The following CDK11A variants were observed in gnomAD, a reference collection of about 807,000 sequenced individuals.
CDK11A encodes the protein cyclin-dependent kinase 11A.
Under a neutral mutation model 83.6 loss-of-function variants are expected in CDK11A, and 55 were observed. The observed-to-expected ratio is 0.66, with a 90% CI of 0.53 to 0.82. CDK11A has a LOEUF of 0.82. CDK11A is among the 40% of genes least tolerant of loss of function. The pLI is 0.00. For missense variants in CDK11A, 564 were observed against 810.1 expected (o/e 0.70, Z 3.69); for synonymous variants, 247 against 302.7 (o/e 0.82, Z 1.91).
rs369739823 is a variant in CDK11A, at chr1:1,715,547, G to C, written c.488+799C>G. Reference sequence around the variant, plus strand: ...ACTGAAACCTTGCTCACCCAGCAGCGGTCTCGGACCTTGACCCCTGGGCCT... The same window carrying C: ...ACTGAAACCTTGCTCACCCAGCAGCCGTCTCGGACCTTGACCCCTGGGCCT... On this transcript the variant is annotated intron_variant, in intron 5 of 19. Transcript: ENST00000404249. Among the ~76,000 whole-genome samples, 152 of 147,108 alleles carry C rather than the reference G, an allele frequency of 1.0e-3. 5 individuals are homozygous for C. Among genetic ancestry groups the C allele is most frequent in the African/African-American group, 3.5e-3 (144 of 40,626 alleles).
At chr1:1,708,287 C>T (rs553643056) in intron 9 of CDK11A, 42 bp from the exon 10 acceptor site, 28 of 1,427,466 alleles carry the variant, frequency 2.0e-5, no homozygotes, top group Non-Finnish European at 2.5e-5. Context: ...AGCACCGGGG[C>T]GAGTGCTGCC....
Position 1,716,363 on chromosome 1 carries a change from C to T in CDK11A, c.471G>A (p.Glu157=). 6.2e-6 allele frequency: 10 copies of T among 1,609,186 alleles called. 1 individual carries two copies. Among genetic ancestry groups the T allele is most frequent in the Non-Finnish European group, 8.5e-6 (10 of 1,176,718 alleles). ...ERQKRREMAR[E]HSRRERDRLE... is the part of the protein sequence containing the mutation. The stretch of plus-strand genomic sequence containing the variant: ...CCACTCACCTTTCTCTCCTGGAATG[C>T]TCCCTTGCCATTTCCCTTCTCTTCT... Residue 157 remains glutamate (E), a synonymous_variant, in exon 5 of 20, where the codon GAG becomes GAA. Coordinates refer to ENST00000404249, the MANE Select transcript of CDK11A (RefSeq NM_024011.4).
In CDK11A at chr1:1,704,309, C is replaced by T; in HGVS notation, c.1600G>A (p.Gly534Arg). 1 of 1,607,572 alleles carries T rather than the reference C, an allele frequency of 6.2e-7. No individual in the cohort carries two copies. The highest frequency in any genetic ancestry group is 8.5e-7 in the Non-Finnish European group (1 of 1,176,164). Reference protein sequence around the residue: ...VKTLMIQLLRGVKHLHDNWIL... With the variant: ...VKTLMIQLLRRVKHLHDNWIL... ...CAGTTGTCGTGCAGGTGTTTCACCC[C>T]CCGCAGCAGCTGGATCATCAGGGTC... Residue 534 changes from glycine to arginine, a missense_variant, in exon 15 of 20, where the codon GGG (glycine) becomes AGG (arginine). Transcript: ENST00000404249.
chr1:1,706,860 G>A (rs1326452306), intron 11 of CDK11A, among the ~76,000 whole-genome samples: 3 of 149,800 alleles, frequency 2.0e-5, no homozygotes, highest in Non-Finnish European at 4.4e-5. Context: ...GGAGGGGGCC[G>A]AGTCCCTGCC....
At chr1:1,714,886 C>T (rs1255296349) in intron 5 of CDK11A, among the ~76,000 whole-genome samples, 1 of 148,812 alleles carries the variant, frequency 6.7e-6, no homozygotes, top group Non-Finnish European at 1.5e-5. Context: ...TTGGCGGGAT[C>T]ACAGCTGCTC....
intron 5 of CDK11A, among the ~76,000 whole-genome samples, chr1:1,714,982 C>T (rs1283028160): frequency 2.7e-5 from 4 of 150,360 alleles, no homozygotes; most frequent in Middle Eastern, 3.4e-3. Flanking sequence ...CCACTGCCCA[C>T]TGCTCTAAAC....
In CDK11A at chr1:1,707,424, G is replaced by A; in HGVS notation, c.1230C>T (p.Tyr410=). The part of the protein sequence containing the change: ...PIELKQELPK[Y]LPALQGCRSV... ...AGGGCCTGACCTGCAGGGCCGGCAG[G>A]TACTTGGGCAGCTCCTGCTTGAGCT... Residue 410 remains tyrosine (Y), a synonymous_variant, in exon 11 of 20, where the codon TAC becomes TAT. Transcript: ENST00000404249. The A allele has an allele frequency of 5.0e-6, 8 of 1,608,104 alleles. 1 individual carries two copies. The highest frequency in any genetic ancestry group is 6.0e-6 in the Non-Finnish European group (7 of 1,176,158).
intron 11 of CDK11A, among the ~76,000 whole-genome samples, chr1:1,706,528 GAC>G (rs1355510062): frequency 1.3e-5 from 2 of 151,306 alleles, no homozygotes; most frequent in African/African-American, 2.4e-5. Context: ...CAGCCTGGAT[GAC>G]AGAGACAGAC....
At chr1:1,708,286 G>T (rs1390685474) in intron 9 of CDK11A, 41 bp from the exon 10 acceptor site, 9 of 1,422,578 alleles carry the variant, frequency 6.3e-6, no homozygotes, top group Admixed American at 2.6e-5. Flanking sequence ...CAGCACCGGG[G>T]CGAGTGCTGC....
intron 10 of CDK11A, 69 bp downstream of exon 10, chr1:1,708,111 G>A: frequency 2.5e-6 from 4 of 1,586,452 alleles, no homozygotes; most frequent in East Asian, 2.3e-5. Flanking sequence ...AGGACCGGCT[G>A]TCTTAGGAGA....
intron 3 of CDK11A, 51 bp from the exon 4 acceptor site, chr1:1,719,506 G>A (rs1644818098): frequency 1.5e-6 from 2 of 1,337,808 alleles, no homozygotes. Context: ...GTGCGGAAAA[G>A]CATCAGGCTA....
rs779154041 is a variant in CDK11A at position 1,704,562 on chromosome 1, G to T, written c.1552C>A (p.Pro518Thr). ...LKSLMETMKQ[P>T]FLPGEVKTLM... ...GGCGCGGCTGTACCTGGCAGGAAGGGCTGTTTCATGGTCTCCATCAGGCTC... is the reference window on the plus strand; with the variant it reads ...GGCGCGGCTGTACCTGGCAGGAAGGTCTGTTTCATGGTCTCCATCAGGCTC... Residue 518 changes from proline (P) to threonine (T), a missense_variant, in exon 14 of 20, where the codon CCC becomes ACC. By Grantham distance (38) the Pro-to-Thr change is conservative (BLOSUM62 -1). Around this residue, in one of 5 missense-constraint regions of CDK11A, gnomAD observed 361 missense variants for 402.7 expected, o/e 0.90. Coordinates refer to ENST00000404249, the MANE Select transcript of CDK11A (RefSeq NM_024011.4). The T allele has an allele frequency of 6.2e-7, 1 of 1,604,682 alleles. No individual in the cohort carries two copies. Among genetic ancestry groups the T allele is most frequent in the African/African-American group, 1.4e-5 (1 of 74,058 alleles).
Position 1,716,382 on chromosome 1 carries a change from C to G in CDK11A, c.452G>C (p.Arg151Thr). The G allele has an allele frequency of 6.2e-7, 1 of 1,609,242 alleles. No homozygotes were observed. Among genetic ancestry groups the G allele is most frequent in the Non-Finnish European group, 8.5e-7 (1 of 1,176,728 alleles). ...GGAATGCTCCCTTGCCATTTCCCTTCTCTTCTGTCTTTCCCATTCCCGGCG... is the reference window on the plus strand; with the variant it reads ...GGAATGCTCCCTTGCCATTTCCCTTGTCTTCTGTCTTTCCCATTCCCGGCG... ...KARREWERQK[R>T]REMAREHSRR... Residue 151 changes from arginine (R) to threonine (T), a missense_variant, in exon 5 of 20, where the codon AGA (arginine) becomes ACA (threonine). By Grantham distance (71) the Arg-to-Thr change is moderately conservative (BLOSUM62 -1). Coordinates refer to ENST00000404249, the MANE Select transcript of CDK11A (RefSeq NM_024011.4).
chr1:1,704,006 G>T (rs775343680), intron 16 of CDK11A, 33 bp downstream of exon 16: 2 of 1,603,178 alleles, frequency 1.2e-6, no homozygotes, highest in Non-Finnish European at 8.5e-7. Context: ...CTGCATGGGG[G>T]ACAGGGGAGG....
rs1385615371 is a variant in CDK11A at position 1,708,800 on chromosome 1, ACT to A, written c.995_996del (p.Gln332LeufsTer7). On this transcript the variant is annotated frameshift_variant, in exon 9 of 20. Coordinates refer to ENST00000404249, the MANE Select transcript of CDK11A (RefSeq NM_024011.4). LOFTEE classifies it high-confidence loss of function. Reference sequence around the variant, plus strand: ...AGTCGTCGCGGTGCCTCACCGGCAGACTGCTCTGATGCCTCCTCAGAGTTGCT... The same window carrying A: ...AGTCGTCGCGGTGCCTCACCGGCAGAGCTCTGATGCCTCCTCAGAGTTGCT... ...TGSNSEEASE[Q>X]SAEEVSEEEM... The A allele has an allele frequency of 1.3e-6, 2 of 1,545,226 alleles. No individual in the cohort carries two copies. Among genetic ancestry groups the A allele is most frequent in the African/African-American group, 2.7e-5 (2 of 72,810 alleles).
chr1:1,720,211 C>T (rs1040721186), intron 3 of CDK11A, among the ~76,000 whole-genome samples: 2 of 150,302 alleles, frequency 1.3e-5, no homozygotes, highest in Non-Finnish European at 3.0e-5. Flanking sequence ...TCTCCTGCCT[C>T]AGCCTTCCAA....
chr1:1,720,066 A>G lies in CDK11A; in HGVS notation c.228-611T>C, dbSNP rs1394987745. On this transcript the variant is annotated intron_variant, in intron 3 of 19. Transcript: ENST00000404249. ...TCAGGGGCATGTAAAAATACATCAC[A>G]TCTTATTTATTTAATTTAATTTTAT... Among the ~76,000 whole-genome samples the G allele has an allele frequency of 1.3e-5, 2 of 150,700 alleles. 1 individual carries two copies. Among genetic ancestry groups the G allele is most frequent in the Non-Finnish European group, 3.0e-5 (2 of 67,614 alleles).
chr1:1,717,661 C>T (rs61777463), intron 4 of CDK11A, among the ~76,000 whole-genome samples: 36 of 128,236 alleles, frequency 2.8e-4, no homozygotes, highest in Middle Eastern at 4.8e-3. Flanking sequence ...CGCATGCTTT[C>T]AGCTAGAGTT....
In CDK11A at chr1:1,703,970, GC is replaced by G. The variant is rs774389266; in HGVS notation, c.1795-31del. 5.6e-6 allele frequency: 9 copies of G among 1,608,390 alleles called. No individual in the cohort carries two copies. In the East Asian group the frequency reaches 2.0e-4, roughly 36 times the overall value. ...GACGCCAGGAGAGGTGTTCAGGAAG[GC>G]CAGTGCCCGCGAAGCTGTGGGAGGC... On this transcript the variant is annotated intron_variant, in intron 16 of 19. Coordinates refer to ENST00000404249, the MANE Select transcript of CDK11A (RefSeq NM_024011.4).
Sources: gnomAD v4.1 joint callset for allele counts (sites outside exome capture counted in the v4.1 genomes callset) on GRCh38, gnomAD v4.1.1 for gene constraint, gnomAD v4.1.1 regional missense constraint, MANE v1.5 for transcripts, NCBI Gene and HGNC (gene_info 2026-07-23, HGNC 2026-07-21) for gene names.